NFIB: variants seen among roughly 807,000 people sequenced by gnomAD.
The protein encoded by NFIB is nuclear factor I B.
NFIB carries 11 observed loss-of-function variants against 61.5 expected under a neutral mutation model. That is an observed-to-expected ratio of 0.18 (90% CI 0.11 to 0.30). The LOEUF is 0.30. Ranked by LOEUF, NFIB falls within the 10% of genes least tolerant of loss-of-function variation. The pLI is 1.00. For missense variants in NFIB, 471 were observed against 608.9 expected, an observed-to-expected ratio of 0.77 and a Z score of 2.38; for synonymous variants, 260 against 216.5, an observed-to-expected ratio of 1.20 and a Z score of -1.76.
upstream of NFIB, among the ~76,000 whole-genome samples, chr9:14,400,600 G>T (rs909688493): frequency 6.6e-6 from 1 of 152,038 alleles, no homozygotes; most frequent in Admixed American, 6.6e-5. Flanking sequence ...AACCAAAATC[G>T]AAAGCAAACA....
chr9:14,161,243 T>C lies in NFIB; in HGVS notation c.617-5350A>G, dbSNP rs551553966. ...GCTAAACTTGTGTTGAAGTTAAAGCTGAAACTGTGATTATAAAATAGAAAT... is the reference window on the plus strand; with the variant it reads ...GCTAAACTTGTGTTGAAGTTAAAGCCGAAACTGTGATTATAAAATAGAAAT... On this transcript the variant is annotated intron_variant, in intron 3 of 10. Transcript: ENST00000380953. Among the ~76,000 whole-genome samples the C allele has an allele frequency of 7.2e-5, 11 of 152,262 alleles. 1 individual carries two copies. The South Asian group carries it at 1.7e-3, about 23-fold the overall frequency.
At chr9:14,300,287 A>G in intron 2 of NFIB, 1 of 398,390 alleles carries the variant, frequency 2.5e-6, no homozygotes, top group Non-Finnish European at 4.4e-6. Flanking sequence ...TTCCGATCGC[A>G]TAACCACTAG....
At chr9:14,519,455 C>A in the NFIB span, among the ~76,000 whole-genome samples, 4 of 152,038 alleles carry the variant, frequency 2.6e-5, no homozygotes, top group African/African-American at 4.8e-5. Flanking sequence ...ATTGGTTGAG[C>A]CTAAAGCCAC....
the NFIB span, among the ~76,000 whole-genome samples, chr9:14,473,592 C>G: frequency 6.6e-6 from 1 of 152,184 alleles, no homozygotes; most frequent in Non-Finnish European, 1.5e-5. Flanking sequence ...AGACTAGTCT[C>G]TTATCGGGCT....
rs565213854 is a variant in NFIB at position 14,182,775 on chromosome 9, G to A, written c.563-2995C>T. Among the ~76,000 whole-genome samples, 4 of 145,814 alleles carry A rather than the reference G, an allele frequency of 2.7e-5. No homozygotes were observed. The South Asian group carries it at 6.6e-4, about 24-fold the overall frequency. Reference sequence around the variant, plus strand: ...GTGTGTGTGTATTTAATATGTTACAGTGAAGCCTGGCTCTGTCCCTCACTA... The same window carrying A: ...GTGTGTGTGTATTTAATATGTTACAATGAAGCCTGGCTCTGTCCCTCACTA... On this transcript the variant is annotated intron_variant, in intron 2 of 10. Coordinates refer to ENST00000380953, the MANE Select transcript of NFIB (RefSeq NM_001190737.2).
intron 2 of NFIB, among the ~76,000 whole-genome samples, chr9:14,186,213 A>G (rs1253408506): frequency 6.6e-6 from 1 of 152,172 alleles, no homozygotes; most frequent in Non-Finnish European, 1.5e-5. Flanking sequence ...ATATCAAGGG[A>G]TATCAGAGGA....
chr9:14,340,618 G>A (rs2060938585), intron 1 of NFIB, among the ~76,000 whole-genome samples: 1 of 152,206 alleles, frequency 6.6e-6, no homozygotes, highest in South Asian at 2.1e-4. Flanking sequence ...CTGTAACTTA[G>A]CAAGTAGAAG....
In NFIB at chr9:14,313,697, C is replaced by A; in HGVS notation, c.-186G>T. ...CCTTAAATAGCCAAAGATTCAAGTT[C>A]ACTCGGCGTGCTAGATTTCCAGGGG... On this transcript the variant is annotated 5_prime_UTR_variant, in exon 1 of 11. Transcript: ENST00000380953. The surrounding 1 kb of genome is among the most constrained non-coding windows in gnomAD (Gnocchi z 4.5). 7.0e-7 allele frequency: 1 copy of A among 1,428,920 alleles called. No homozygotes were observed. The highest frequency in any genetic ancestry group is 9.2e-7 in the Non-Finnish European group (1 of 1,091,574). The allele number at this position is 1,428,920 out of a possible 1,614,324, so 88.5% of individuals were successfully genotyped here.
the NFIB span, among the ~76,000 whole-genome samples, chr9:14,422,873 C>A: frequency 6.6e-6 from 1 of 152,162 alleles, no homozygotes. Flanking sequence ...GGATGCTGGG[C>A]ATGTAAAACA....
chr9:14,358,775 T>C (rs936106458), intron 1 of NFIB, among the ~76,000 whole-genome samples: 4 of 152,216 alleles, frequency 2.6e-5, no homozygotes, highest in Non-Finnish European at 5.9e-5. Flanking sequence ...AGCCAACTCA[T>C]ATCAACTCAT....
At chr9:14,170,480 A>G (rs537238044) in intron 3 of NFIB, among the ~76,000 whole-genome samples, 1 of 152,276 alleles carries the variant, frequency 6.6e-6, no homozygotes, top group African/African-American at 2.4e-5. Context: ...TGTCTCTACA[A>G]AAAAATTAAA....
At chr9:14,481,230 T>TATATATATATATATAC in the NFIB span, among the ~76,000 whole-genome samples, 1 of 121,992 alleles carries the variant, frequency 8.2e-6, no homozygotes, top group Non-Finnish European at 1.7e-5. Flanking sequence ...TATATATATA[T>TATATATATATATATAC]ATGTAGCTTA....
chr9:14,503,088 G>A, the NFIB span, among the ~76,000 whole-genome samples: 111 of 147,436 alleles, frequency 7.5e-4, no homozygotes, highest in Non-Finnish European at 1.2e-3. Flanking sequence ...GTATTTTATG[G>A]TATATATATA....
rs563321763 is a variant in NFIB, at chr9:14,232,207, G to A, written c.563-52427C>T. On this transcript the variant is annotated intron_variant, in intron 2 of 10. Transcript: ENST00000380953. ...TAGGAAGAAAAAAACGTATGCCATG[G>A]TGGGCAAGTCAATAGTGTTTGTGCC... 3.8e-4 allele frequency among the ~76,000 whole-genome samples: 58 copies of A among 152,258 alleles called. No homozygotes were observed. In the South Asian group the frequency reaches 0.012, roughly 30 times the overall value.
chr9:14,454,759 A>G, the NFIB span, among the ~76,000 whole-genome samples: 1 of 152,254 alleles, frequency 6.6e-6, no homozygotes, highest in South Asian at 2.1e-4. Flanking sequence ...AGAATGTTAT[A>G]GTACCAGTCC....
At chr9:14,093,924 C>T (rs925282599) in intron 10 of NFIB, among the ~76,000 whole-genome samples, 1 of 151,984 alleles carries the variant, frequency 6.6e-6, no homozygotes, top group Admixed American at 6.6e-5. Flanking sequence ...ATAAATATAC[C>T]AGTTGCTAGC....
chr9:14,505,204 T>C, the NFIB span, among the ~76,000 whole-genome samples: 4 of 152,184 alleles, frequency 2.6e-5, no homozygotes, highest in African/African-American at 7.2e-5. Context: ...GTGGAATCTT[T>C]AGGGTTTTCT....
intron 3 of NFIB, among the ~76,000 whole-genome samples, chr9:14,173,944 T>G (rs1459529477): frequency 1.3e-5 from 2 of 152,160 alleles, no homozygotes; most frequent in Non-Finnish European, 2.9e-5. Flanking sequence ...CAACCTTTCA[T>G]GAGTGGGCTG....
chr9:14,274,755 G>C (rs904450991), intron 2 of NFIB, among the ~76,000 whole-genome samples: 4 of 152,138 alleles, frequency 2.6e-5, no homozygotes, highest in African/African-American at 9.7e-5. Context: ...CAAAATTAAA[G>C]ACAAAAGAAT....
Sources: gnomAD v4.1 joint callset for allele counts (sites outside exome capture counted in the v4.1 genomes callset) on GRCh38, gnomAD v4.1.1 for gene constraint, Gnocchi (gnomAD v3.1) non-coding constraint, MANE v1.5 for transcripts, NCBI Gene and HGNC (gene_info 2026-07-23, HGNC 2026-07-21) for gene names.